The following SGMS1 variants were observed in gnomAD, a reference collection of about 807,000 sequenced individuals.
SGMS1 encodes the protein phosphatidylcholine:ceramide cholinephosphotransferase 1.
A neutral mutation model predicts 46.2 loss-of-function variants in SGMS1; 13 were observed. The ratio of observed to expected loss-of-function variants is 0.28; its 90% CI spans 0.18 to 0.45. SGMS1 has a LOEUF of 0.45. SGMS1 is among the 20% of genes least tolerant of loss of function. SGMS1 has a pLI of 1.00. For synonymous variants in SGMS1, 203 were observed against 187.8 expected (o/e 1.08, Z -0.66); for missense variants, 324 against 519.9 (o/e 0.62, Z 3.66).
chr10:50,476,163 A>C (rs1447893260), intron 3 of SGMS1, among the ~76,000 whole-genome samples: 1 of 149,028 alleles, frequency 6.7e-6, no homozygotes, highest in Admixed American at 6.7e-5. Flanking sequence ...AATCTGAGCT[A>C]CTTAGGAGGG....
At position 50,555,444 on chromosome 10, in the gene SGMS1, C is replaced by T. The variant is rs148768636; in HGVS notation, c.-589+34709G>A. ...CAGGACCTGGCTCACAAATAAGCTG[C>T]TTATCTGAGCCAGCCAGAAGATTCC... is the stretch of plus-strand genomic sequence containing the variant. On this transcript the variant is annotated intron_variant, in intron 2 of 10. Coordinates refer to ENST00000361781, the MANE Select transcript of SGMS1 (RefSeq NM_147156.4). Among the ~76,000 whole-genome samples, 520 of 152,304 alleles carry T rather than the reference C, an allele frequency of 3.4e-3. 2 individuals carry two copies. Among genetic ancestry groups the T allele is most frequent in the African/African-American group, 0.012 (500 of 41,562 alleles).
chr10:50,443,396 A>G (rs1344158475), intron 5 of SGMS1, among the ~76,000 whole-genome samples: 1 of 152,148 alleles, frequency 6.6e-6, no homozygotes, highest in Non-Finnish European at 1.5e-5. Context: ...AAAAGTTTCT[A>G]AGTAGCCAGA....
intron 3 of SGMS1, among the ~76,000 whole-genome samples, chr10:50,497,046 C>A (rs1208992270): frequency 6.6e-6 from 1 of 152,168 alleles, no homozygotes; most frequent in African/African-American, 2.4e-5. Flanking sequence ...TCATCCTCCA[C>A]CCTTCTTCCA....
At chr10:50,534,827 C>G (rs1053819284) in intron 2 of SGMS1, among the ~76,000 whole-genome samples, 2 of 152,204 alleles carry the variant, frequency 1.3e-5, no homozygotes, top group African/African-American at 2.4e-5. Context: ...AAAATGATAG[C>G]TGTGTTCTCA....
chr10:50,511,697 T>C (rs915853451), intron 3 of SGMS1, among the ~76,000 whole-genome samples: 6 of 152,050 alleles, frequency 3.9e-5, no homozygotes, highest in Admixed American at 2.6e-4. Context: ...GTTACAGAGG[T>C]CTCCCTCTGC....
intron 2 of SGMS1, among the ~76,000 whole-genome samples, chr10:50,571,461 T>G (rs1257992765): frequency 6.6e-6 from 1 of 152,216 alleles, no homozygotes; most frequent in African/African-American, 2.4e-5. Flanking sequence ...GCCTGGCACC[T>G]TTTCCATTTC....
At chr10:50,575,182 T>C (rs1228571293) in intron 2 of SGMS1, among the ~76,000 whole-genome samples, 1 of 151,884 alleles carries the variant, frequency 6.6e-6, no homozygotes, top group Non-Finnish European at 1.5e-5. Context: ...AATGAGTAAG[T>C]TCCATACATA....
rs770780353 is a variant in SGMS1 at position 50,358,027 on chromosome 10, C to G, written c.-231-13682G>C. Among the ~76,000 whole-genome samples, 5 of 152,144 alleles carry G rather than the reference C, an allele frequency of 3.3e-5. No homozygotes were observed. The East Asian group carries it at 7.7e-4, about 23-fold the overall frequency. On this transcript the variant is annotated intron_variant, in intron 6 of 10. Coordinates refer to ENST00000361781, the MANE Select transcript of SGMS1 (RefSeq NM_147156.4). ...GGACATGGTGGTTCATGCCTGTAAT[C>G]GCAAAACTTTGGGAGGCCAAGGTGG...
intron 3 of SGMS1, among the ~76,000 whole-genome samples, chr10:50,471,058 C>T (rs2133701381): frequency 6.6e-6 from 1 of 152,074 alleles, no homozygotes; most frequent in East Asian, 1.9e-4. Flanking sequence ...GAAGTAGTTA[C>T]TAAAAAAAGA....
At chr10:50,466,038 AG>A (rs1409607584) in intron 4 of SGMS1, among the ~76,000 whole-genome samples, 1 of 152,298 alleles carries the variant, frequency 6.6e-6, no homozygotes, top group African/African-American at 2.4e-5. Flanking sequence ...GTAAGGGTAA[AG>A]GGTGGTCTAT....
chr10:50,351,091 C>T (rs1054689510), intron 6 of SGMS1, among the ~76,000 whole-genome samples: 1 of 152,170 alleles, frequency 6.6e-6, no homozygotes, highest in Non-Finnish European at 1.5e-5. Flanking sequence ...TAGGAACACA[C>T]CTTTTGCATC....
chr10:50,547,937 A>T (rs1306909039), intron 2 of SGMS1, among the ~76,000 whole-genome samples: 1 of 152,222 alleles, frequency 6.6e-6, no homozygotes, highest in Non-Finnish European at 1.5e-5. Context: ...ACTGAAGACA[A>T]AAACCACATA....
intron 3 of SGMS1, among the ~76,000 whole-genome samples, chr10:50,487,994 TTTATTTA>T (rs1837536200): frequency 1.0e-5 from 1 of 98,508 alleles, no homozygotes. Flanking sequence ...ATTTTATTTA[TTTATTTA>T]TTTATTTATT....
intron 3 of SGMS1, among the ~76,000 whole-genome samples, chr10:50,495,854 A>G (rs2133748073): frequency 6.6e-6 from 1 of 152,298 alleles, no homozygotes; most frequent in East Asian, 1.9e-4. Context: ...GGAAAAATAC[A>G]TAAGAAAATT....
intron 1 of SGMS1, among the ~76,000 whole-genome samples, chr10:50,600,067 C>T (rs185063936): frequency 3.0e-4 from 46 of 152,200 alleles, no homozygotes; most frequent in Non-Finnish European, 6.0e-4. Flanking sequence ...GACCCCAAGG[C>T]GGCATATAAC....
intron 2 of SGMS1, among the ~76,000 whole-genome samples, chr10:50,580,962 G>T (rs1004777650): frequency 6.6e-6 from 1 of 152,168 alleles, no homozygotes; most frequent in African/African-American, 2.4e-5. Context: ...TCACCTGGAA[G>T]ACTTGTTAAA....
chr10:50,527,566 T>C (rs975372716), intron 2 of SGMS1, among the ~76,000 whole-genome samples: 1 of 152,170 alleles, frequency 6.6e-6, no homozygotes, highest in African/African-American at 2.4e-5. Flanking sequence ...CTTGATACGC[T>C]GCCTCTCCCT....
chr10:50,524,256 A>G (rs1293052465), intron 2 of SGMS1, among the ~76,000 whole-genome samples: 1 of 152,138 alleles, frequency 6.6e-6, no homozygotes, highest in African/African-American at 2.4e-5. Flanking sequence ...TCAAGTCTGC[A>G]TGTGTCCAGC....
intron 3 of SGMS1, among the ~76,000 whole-genome samples, chr10:50,487,225 A>C (rs2133731712): frequency 6.6e-6 from 1 of 152,330 alleles, no homozygotes; most frequent in South Asian, 2.1e-4. Flanking sequence ...CAGCAAACTA[A>C]TGCAGGAACA....
Sources: gnomAD v4.1 joint callset for allele counts (sites outside exome capture counted in the v4.1 genomes callset) on GRCh38, gnomAD v4.1.1 for gene constraint, MANE v1.5 for transcripts, NCBI Gene and HGNC (gene_info 2026-07-23, HGNC 2026-07-21) for gene names.